The following RAD51B variants were observed in gnomAD, a reference collection of about 807,000 sequenced individuals.
RAD51B encodes RAD51 paralog B.
In RAD51B, 38 loss-of-function variants were observed where a neutral mutation model predicts 42.2. The observed-to-expected ratio is 0.90, with a 90% CI of 0.70 to 1.18. RAD51B has a LOEUF of 1.18. Ranked by LOEUF, RAD51B falls within the 50% of genes most tolerant of loss-of-function variation. RAD51B has a pLI of 0.00. For missense variants in RAD51B, 373 were observed against 400.7 expected (o/e 0.93, Z 0.59); for synonymous variants, 154 against 145.2 (o/e 1.06, Z -0.43).
At chr14:67,917,710 G>A (rs897672749) in intron 7 of RAD51B, among the ~76,000 whole-genome samples, 2 of 152,174 alleles carry the variant, frequency 1.3e-5, no homozygotes, top group African/African-American at 4.8e-5. Flanking sequence ...GAAACAAAAA[G>A]GAGTCTATGT....
downstream of RAD51B, chr14:68,596,023 G>GA: frequency 9.7e-7 from 1 of 1,029,778 alleles, no homozygotes; most frequent in Non-Finnish European, 1.2e-6. Context: ...AATACATTAA[G>GA]AAAAAAAGAT....
At chr14:67,853,389 T>C (rs1185314800) in intron 4 of RAD51B, among the ~76,000 whole-genome samples, 2 of 152,240 alleles carry the variant, frequency 1.3e-5, no homozygotes, top group African/African-American at 2.4e-5. Flanking sequence ...AGCACTTCTC[T>C]ACTTCCACTT....
At chr14:68,046,626 C>T (rs541686366) in intron 7 of RAD51B, among the ~76,000 whole-genome samples, 1 of 152,288 alleles carries the variant, frequency 6.6e-6, no homozygotes, top group East Asian at 1.9e-4. Context: ...GTCCCAACTA[C>T]TCTGGAGGCT....
chr14:67,822,785 T>C (rs2040678548), intron 1 of RAD51B, among the ~76,000 whole-genome samples: 1 of 152,054 alleles, frequency 6.6e-6, no homozygotes, highest in African/African-American at 2.4e-5. Context: ...AGTGATAAAA[T>C]CTCATTTGAT....
At chr14:68,340,839 A>G (rs1410299316) in intron 8 of RAD51B, among the ~76,000 whole-genome samples, 1 of 152,254 alleles carries the variant, frequency 6.6e-6, no homozygotes, top group Non-Finnish European at 1.5e-5. Context: ...AAATCTGGTT[A>G]GGGAAGTAAA....
At chr14:67,981,252 C>T (rs1428394640) in intron 7 of RAD51B, among the ~76,000 whole-genome samples, 1 of 151,870 alleles carries the variant, frequency 6.6e-6, no homozygotes, top group African/African-American at 2.4e-5. Context: ...TAAATATGTA[C>T]AATTATTATG....
intron 9 of RAD51B, among the ~76,000 whole-genome samples, chr14:68,448,386 A>AGCGAG (rs1197414718): frequency 1.3e-5 from 2 of 152,194 alleles, no homozygotes; most frequent in African/African-American, 4.8e-5. Context: ...TAAGCAAGGA[A>AGCGAG]GCGAGTGTTT....
intron 8 of RAD51B, among the ~76,000 whole-genome samples, chr14:68,394,967 C>T (rs1200193384): frequency 6.6e-6 from 1 of 152,188 alleles, no homozygotes; most frequent in Non-Finnish European, 1.5e-5. Flanking sequence ...CTGCTGGGAA[C>T]AGAGGTCCGT....
intron 7 of RAD51B, among the ~76,000 whole-genome samples, chr14:67,908,081 G>A (rs1207297042): frequency 1.3e-5 from 2 of 152,052 alleles, no homozygotes; most frequent in Non-Finnish European, 2.9e-5. Flanking sequence ...ACTATATTAA[G>A]GATTTTGTTT....
rs59465805 is a variant in RAD51B, at chr14:67,948,931, CAAAAAAAAAAAAAA to C, written c.756+61741_756+61754del. On this transcript the variant is annotated intron_variant, in intron 7 of 10. Transcript: ENST00000471583. ...TGGGTGACAGAGTGAGACTCTGTCT[CAAAAAAAAAAAAAA>C]AAAAAAAAAAAAAGCAATGTACATA... 3.5e-4 allele frequency among the ~76,000 whole-genome samples: 6 copies of C among 17,058 alleles called. No individual in the cohort carries two copies. The South Asian group carries it at 8.6e-3, about 25-fold the overall frequency. 11.2% of individuals were successfully genotyped at this position (17,058 alleles called of 152,430 possible). A position where few individuals can be genotyped will look rare whatever the true frequency, so the allele number is the denominator to read the frequency against.
intron 7 of RAD51B, among the ~76,000 whole-genome samples, chr14:68,161,569 G>T (rs2078639800): frequency 6.6e-6 from 1 of 152,210 alleles, no homozygotes; most frequent in Non-Finnish European, 1.5e-5. Flanking sequence ...TCTAAAGGAA[G>T]AGACGACTTT....
chr14:68,442,199 A>G (rs544990400), intron 9 of RAD51B, among the ~76,000 whole-genome samples: 3 of 152,326 alleles, frequency 2.0e-5, no homozygotes, highest in Middle Eastern at 3.4e-3. Context: ...CTCTGCGTCC[A>G]GTCTGCAGGG....
chr14:68,441,749 A>G (rs2085299214), intron 9 of RAD51B, among the ~76,000 whole-genome samples: 1 of 152,180 alleles, frequency 6.6e-6, no homozygotes, highest in Non-Finnish European at 1.5e-5. Context: ...CCCCTTCTAT[A>G]AGAGAATTTC....
chr14:68,589,359 C>A (rs1054228447), intron 10 of RAD51B, among the ~76,000 whole-genome samples: 3 of 152,170 alleles, frequency 2.0e-5, no homozygotes, highest in Non-Finnish European at 4.4e-5. Context: ...TCCCTTCCCC[C>A]GCCTTCACTT....
At chr14:68,330,119 T>C in intron 8 of RAD51B, among the ~76,000 whole-genome samples, 1 of 152,144 alleles carries the variant, frequency 6.6e-6, no homozygotes. Flanking sequence ...TGAGTCACCA[T>C]ATTCAGCATT....
intron 10 of RAD51B, among the ~76,000 whole-genome samples, chr14:68,648,201 C>T (rs1160975640): frequency 1.4e-5 from 2 of 142,748 alleles, no homozygotes; most frequent in East Asian, 2.1e-4. Flanking sequence ...ATGAGAAATT[C>T]GAACCCGCAT....
intron 7 of RAD51B, among the ~76,000 whole-genome samples, chr14:68,084,500 G>C (rs1484586212): frequency 6.6e-6 from 1 of 152,186 alleles, no homozygotes; most frequent in African/African-American, 2.4e-5. Context: ...ATTGTCCCCA[G>C]TTCAGAACAA....
chr14:68,328,950 G>A (rs566599978), intron 8 of RAD51B, among the ~76,000 whole-genome samples: 11 of 152,216 alleles, frequency 7.2e-5, no homozygotes, highest in Middle Eastern at 3.4e-3. Flanking sequence ...CATACAACCC[G>A]TTAAATCTAT....
intron 9 of RAD51B, among the ~76,000 whole-genome samples, chr14:68,441,689 G>A (rs1248013803): frequency 6.6e-6 from 1 of 151,722 alleles, no homozygotes; most frequent in South Asian, 2.1e-4. Context: ...TTCTAGCTCT[G>A]TTTCTAATTA....
Sources: allele counts gnomAD v4.1 joint callset (sites outside exome capture counted in the v4.1 genomes callset), GRCh38; gene constraint gnomAD v4.1.1; transcripts MANE v1.5; gene names NCBI Gene and HGNC (gene_info 2026-07-23, HGNC 2026-07-21).